The following ETNK1 variants were observed in gnomAD, a reference collection of about 807,000 sequenced individuals.
ETNK1 encodes the protein ethanolamine kinase 1, also known as putative protein product of Nbla10396.
A neutral mutation model predicts 45.1 loss-of-function variants in ETNK1; 8 were observed. That is an observed-to-expected ratio of 0.18 (90% CI 0.10 to 0.32). The LOEUF (loss-of-function observed/expected upper bound fraction) is 0.32. Among genes scored for constraint, ETNK1 ranks in the 10% least tolerant of loss-of-function variants. The probability of loss-of-function intolerance (pLI) is 1.00; values close to 1 mark genes in which losing one functional copy is unlikely to be tolerated. For synonymous variants in ETNK1, 152 were observed against 151.9 expected, an observed-to-expected ratio of 1.00 and a Z score of -0.01; for missense variants, 302 against 430.6, an observed-to-expected ratio of 0.70 and a Z score of 2.64.
chr12:22,650,130 T>G (rs934003036), intron 2 of ETNK1, among the ~76,000 whole-genome samples: 2 of 152,080 alleles, frequency 1.3e-5, no homozygotes, highest in African/African-American at 4.8e-5. Flanking sequence ...AGCAATTGAC[T>G]TTCATATTTT....
At chr12:22,639,239 A>G (rs2137528140) in intron 1 of ETNK1, among the ~76,000 whole-genome samples, 1 of 152,034 alleles carries the variant, frequency 6.6e-6, no homozygotes, top group Admixed American at 6.6e-5. Context: ...TTTTTAGAGA[A>G]GTGGGGTTTT....
At chr12:22,670,068 G>A (rs1030943771) in intron 4 of ETNK1, among the ~76,000 whole-genome samples, 5 of 151,898 alleles carry the variant, frequency 3.3e-5, no homozygotes, top group African/African-American at 4.8e-5. Context: ...TTTTTGTCAC[G>A]TAATTTTGTT....
chr12:22,636,350 C>A (rs192202702), intron 1 of ETNK1, among the ~76,000 whole-genome samples: 122 of 151,944 alleles, frequency 8.0e-4, no homozygotes, highest in African/African-American at 2.7e-3. Context: ...AAAATGAGGT[C>A]CTGAATGGTG....
At chr12:22,628,015 A>C (rs1953527980) in intron 1 of ETNK1, among the ~76,000 whole-genome samples, 1 of 152,130 alleles carries the variant, frequency 6.6e-6, no homozygotes, top group Non-Finnish European at 1.5e-5. Context: ...TGTTCTTACT[A>C]GATTAAAAGA....
intron 1 of ETNK1, among the ~76,000 whole-genome samples, chr12:22,640,122 T>A (rs1953715836): frequency 6.6e-6 from 1 of 152,190 alleles, no homozygotes; most frequent in South Asian, 2.1e-4. Context: ...ATTGTATTTT[T>A]AACCAATATA....
intron 2 of ETNK1, among the ~76,000 whole-genome samples, chr12:22,653,589 G>A (rs1297593255): frequency 6.6e-6 from 1 of 152,004 alleles, no homozygotes; most frequent in Non-Finnish European, 1.5e-5. Context: ...GGTTATTCCT[G>A]AGTATTTATT....
intron 6 of ETNK1, among the ~76,000 whole-genome samples, chr12:22,683,140 A>T (rs1338015448): frequency 6.6e-6 from 1 of 152,198 alleles, no homozygotes. Flanking sequence ...GCCACACGCC[A>T]GAGCCCAGCT....
chr12:22,672,927 A>G (rs1422345150), intron 5 of ETNK1, among the ~76,000 whole-genome samples: 1 of 152,282 alleles, frequency 6.6e-6, no homozygotes. Flanking sequence ...TGGAAAAGAG[A>G]AACAAAATCT....
At chr12:22,655,233 G>A (rs1045960196) in intron 2 of ETNK1, among the ~76,000 whole-genome samples, 3 of 151,900 alleles carry the variant, frequency 2.0e-5, no homozygotes, top group African/African-American at 7.3e-5. Flanking sequence ...CTCCCAAAGT[G>A]TTGGGATTAC....
At position 22,673,479 on chromosome 12, in the gene ETNK1, G is replaced by A. The variant is rs772111508; in HGVS notation, c.785-21G>A. The stretch of plus-strand genomic sequence containing the variant: ...AGTTTATGTTTTAAAATTTTTGAGT[G>A]TAGTTTTTTTTCTTCTAAAGGTGTG... On this transcript the variant is annotated intron_variant, in intron 5 of 7. Transcript: ENST00000266517. 2.6e-6 allele frequency: 4 copies of A among 1,537,636 alleles called. No individual in the cohort carries two copies. In the South Asian group the frequency reaches 5.2e-5, roughly 20 times the overall value.
chr12:22,684,806 G>T, intron 7 of ETNK1, 76 bp from the exon 8 acceptor site: 1 of 1,169,838 alleles, frequency 8.5e-7, no homozygotes, highest in East Asian at 2.4e-5. Flanking sequence ...CCAGCTTAGA[G>T]GACTGAGTGA....
chr12:22,676,360 A>C (rs749276209), intron 6 of ETNK1, among the ~76,000 whole-genome samples: 1 of 152,124 alleles, frequency 6.6e-6, no homozygotes, highest in Non-Finnish European at 1.5e-5. Flanking sequence ...ATGGCTGTTT[A>C]GTATTCCATG....
chr12:22,634,979 G>A (rs932193300), intron 1 of ETNK1, among the ~76,000 whole-genome samples: 2 of 152,158 alleles, frequency 1.3e-5, no homozygotes, highest in Non-Finnish European at 1.5e-5. Flanking sequence ...TGAGCTGGAA[G>A]CACTAATTTT....
intron 6 of ETNK1, among the ~76,000 whole-genome samples, chr12:22,674,893 A>G (rs914009320): frequency 2.0e-5 from 3 of 152,182 alleles, no homozygotes; most frequent in African/African-American, 7.2e-5. Context: ...ATAAATATTC[A>G]TCAATCAGAT....
intron 6 of ETNK1, among the ~76,000 whole-genome samples, chr12:22,683,851 A>G (rs1295031567): frequency 6.6e-6 from 1 of 152,174 alleles, no homozygotes; most frequent in African/African-American, 2.4e-5. Context: ...TTCAGATTTT[A>G]AAATATTACC....
chr12:22,633,928 G>A (rs1033194905), intron 1 of ETNK1, among the ~76,000 whole-genome samples: 4 of 151,874 alleles, frequency 2.6e-5, no homozygotes, highest in Admixed American at 2.0e-4. Flanking sequence ...ACATATTGCT[G>A]TCTCCCCTTC....
intron 2 of ETNK1, chr12:22,644,482 A>G (rs916818003): frequency 1.5e-4 from 110 of 731,714 alleles, no homozygotes; most frequent in Non-Finnish European, 1.9e-4. Flanking sequence ...GAATAATGTC[A>G]TATATGCTTG....
intron 3 of ETNK1, among the ~76,000 whole-genome samples, chr12:22,659,926 C>T (rs1953982276): frequency 6.7e-6 from 1 of 150,014 alleles, no homozygotes; most frequent in African/African-American, 2.4e-5. Flanking sequence ...ACATAAAACA[C>T]AATTAAAATA....
In ETNK1 at chr12:22,679,791, C is replaced by T. The variant is rs573716408; in HGVS notation, c.946-4692C>T. Among the ~76,000 whole-genome samples the T allele has an allele frequency of 4.3e-4, 65 of 151,254 alleles. 1 individual carries two copies. Among genetic ancestry groups the T allele is most frequent in the Non-Finnish European group, 2.5e-4 (17 of 67,900 alleles). On this transcript the variant is annotated intron_variant, in intron 6 of 7. Coordinates refer to ENST00000266517, the MANE Select transcript of ETNK1 (RefSeq NM_018638.5). ...TCTTGGCTCACTGCAACCTCTGCCT[C>T]CTGGATTCAAGCAGTTCTCTGGCCT...
Sources: gnomAD v4.1 joint callset for allele counts (sites outside exome capture counted in the v4.1 genomes callset) on GRCh38, gnomAD v4.1.1 for gene constraint, MANE v1.5 for transcripts, NCBI Gene and HGNC (gene_info 2026-07-23, HGNC 2026-07-21) for gene names.